Variants in TRAK1 observed in about 807,000 individuals in gnomAD.
The protein encoded by TRAK1 is trafficking kinesin protein 1.
Under a neutral mutation model 92.1 loss-of-function variants are expected in TRAK1, and 33 were observed. The observed-to-expected ratio is 0.36, with a 90% CI of 0.27 to 0.48. The LOEUF (loss-of-function observed/expected upper bound fraction) is 0.48, where lower values mean the gene tolerates loss of function less well. Ranked by LOEUF, TRAK1 falls within the 20% of genes least tolerant of loss-of-function variation. The pLI is 0.99. For missense variants in TRAK1, 1,123 were observed against 1,257.9 expected (o/e 0.89, Z 1.62); for synonymous variants, 521 against 517.3 (o/e 1.01, Z -0.10).
intron 1 of TRAK1, among the ~76,000 whole-genome samples, chr3:42,042,402 C>T (rs1309502918): frequency 1.3e-5 from 2 of 152,084 alleles, no homozygotes; most frequent in African/African-American, 4.8e-5. Flanking sequence ...GACAGGGTCT[C>T]ACTTTGTTGC....
intron 2 of TRAK1, among the ~76,000 whole-genome samples, chr3:42,134,578 CTTTTTTTTTT>C (rs547455969): frequency 0.04 from 3,051 of 76,440 alleles, 153 homozygotes; most frequent in African/African-American, 0.15. Flanking sequence ...TGCCTGGTCT[CTTTTTTTTTT>C]TTTTTTTTTT....
chr3:42,201,772 G>A (rs951518387), intron 12 of TRAK1, among the ~76,000 whole-genome samples: 2 of 151,956 alleles, frequency 1.3e-5, no homozygotes, highest in Non-Finnish European at 2.9e-5. Flanking sequence ...AGAGGGTGGG[G>A]TGCAGGGGGG....
chr3:42,094,349 A>G (rs1235673914), intron 1 of TRAK1, among the ~76,000 whole-genome samples: 1 of 152,208 alleles, frequency 6.6e-6, no homozygotes, highest in Non-Finnish European at 1.5e-5. Flanking sequence ...TGAGCAAGTC[A>G]GGCTGAAACT....
intron 1 of TRAK1, among the ~76,000 whole-genome samples, chr3:42,076,195 C>T (rs1053573989): frequency 7.3e-6 from 1 of 136,514 alleles, no homozygotes; most frequent in Non-Finnish European, 1.6e-5. Flanking sequence ...TTAAGTTCCT[C>T]ATAGATTTGG....
At chr3:42,125,215 G>A (rs1471620131) in intron 1 of TRAK1, among the ~76,000 whole-genome samples, 1 of 152,186 alleles carries the variant, frequency 6.6e-6, no homozygotes, top group Non-Finnish European at 1.5e-5. Context: ...AAACATTTGG[G>A]TAGGTCTTGG....
chr3:42,095,870 G>T (rs1246630807), intron 1 of TRAK1, among the ~76,000 whole-genome samples: 1 of 152,188 alleles, frequency 6.6e-6, no homozygotes, highest in African/African-American at 2.4e-5. Context: ...TTAGGTCACA[G>T]GGGCAGAGCC....
At chr3:42,157,489 A>AAAAAAG (rs1553739632) in intron 2 of TRAK1, among the ~76,000 whole-genome samples, 204 of 144,766 alleles carry the variant, frequency 1.4e-3, no homozygotes, top group Non-Finnish European at 2.4e-3. Flanking sequence ...AAAAAAAAAA[A>AAAAAAG]GGTTAACATT....
chr3:42,222,872 A>G, intron 15 of TRAK1, 70 bp from the exon 16 acceptor site: 1 of 1,540,192 alleles, frequency 6.5e-7, no homozygotes, highest in Non-Finnish European at 8.8e-7. Context: ...CCTGCAGGAA[A>G]CTGGCCACTG....
At position 42,125,478 on chromosome 3, in the gene TRAK1, G is replaced by GC; in HGVS notation, c.151dup (p.Leu51ProfsTer5). Reference sequence around the variant, plus strand: ...AGATCATTAGCCTGCTGGAGGAGCAGCTGCCCCATTATAAGTTAAGAGCCG... The same window carrying GC: ...AGATCATTAGCCTGCTGGAGGAGCAGCCTGCCCCATTATAAGTTAAGAGCCG... On this transcript the variant is annotated frameshift_variant, in exon 2 of 16. Transcript: ENST00000327628. LOFTEE classifies it high-confidence loss of function. The GC allele has an allele frequency of 6.2e-7, 1 of 1,614,226 alleles. No homozygotes were observed. The highest frequency in any genetic ancestry group is 8.5e-7 in the Non-Finnish European group (1 of 1,180,036).
chr3:42,016,945 C>G (rs892871153), intron 1 of TRAK1, among the ~76,000 whole-genome samples: 1 of 152,106 alleles, frequency 6.6e-6, no homozygotes, highest in Non-Finnish European at 1.5e-5. Context: ...ATATATGATT[C>G]TGTGACCCTT....
chr3:42,107,342 G>A (rs1025013017), intron 1 of TRAK1, among the ~76,000 whole-genome samples: 25 of 151,946 alleles, frequency 1.6e-4, no homozygotes, highest in African/African-American at 6.0e-4. Flanking sequence ...GAGGAAACCC[G>A]TCTCTACTAA....
intron 1 of TRAK1, among the ~76,000 whole-genome samples, chr3:42,102,709 G>T (rs1020163904): frequency 4.6e-5 from 7 of 152,168 alleles, no homozygotes; most frequent in African/African-American, 1.7e-4. Context: ...GTGCATGCGG[G>T]CCCCTAGTCT....
chr3:42,103,860 C>T (rs1457701923), intron 1 of TRAK1, among the ~76,000 whole-genome samples: 1 of 152,212 alleles, frequency 6.6e-6, no homozygotes, highest in Admixed American at 6.5e-5. Context: ...GCCCATGGAG[C>T]AGGACGGGTC....
intron 2 of TRAK1, among the ~76,000 whole-genome samples, chr3:42,143,224 G>T (rs1576591612): frequency 1.4e-5 from 2 of 138,604 alleles, no homozygotes; most frequent in African/African-American, 2.7e-5. Context: ...CATTTATTTT[G>T]TTCTTTAAAA....
chr3:42,182,965 A>G (rs775422122), intron 3 of TRAK1, among the ~76,000 whole-genome samples: 27 of 152,172 alleles, frequency 1.8e-4, no homozygotes, highest in Non-Finnish European at 3.7e-4. Context: ...GAGGGAACCT[A>G]TGTTCAAGTA....
At chr3:42,132,009 C>A (rs1248303661) in intron 2 of TRAK1, among the ~76,000 whole-genome samples, 1 of 151,710 alleles carries the variant, frequency 6.6e-6, no homozygotes, top group Non-Finnish European at 1.5e-5. Context: ...GTGGACGTTG[C>A]AGTGAGCCAA....
chr3:42,046,943 G>A (rs1293121912), intron 1 of TRAK1, among the ~76,000 whole-genome samples: 1 of 152,018 alleles, frequency 6.6e-6, no homozygotes. Flanking sequence ...AATTAGGATG[G>A]CCTCAATTTC....
intron 1 of TRAK1, among the ~76,000 whole-genome samples, chr3:42,057,849 A>C (rs531393222): frequency 6.6e-6 from 1 of 152,186 alleles, no homozygotes; most frequent in Non-Finnish European, 1.5e-5. Flanking sequence ...CGTGGCCCAC[A>C]CCATGTTAAT....
chr3:42,147,421 G>A (rs1349806875), intron 2 of TRAK1, among the ~76,000 whole-genome samples: 2 of 152,160 alleles, frequency 1.3e-5, no homozygotes, highest in East Asian at 3.8e-4. Context: ...GTGGTAGCCA[G>A]GAGACAGCAG....
Sources: allele counts gnomAD v4.1 joint callset (sites outside exome capture counted in the v4.1 genomes callset), GRCh38; gene constraint gnomAD v4.1.1; transcripts MANE v1.5; gene names NCBI Gene and HGNC (gene_info 2026-07-23, HGNC 2026-07-21).